Variants in USPL1 observed in about 807,000 individuals in gnomAD.
USPL1 encodes ubiquitin specific peptidase like 1.
Under a neutral mutation model 51.5 loss-of-function variants are expected in USPL1, and 27 were observed. The observed-to-expected ratio is 0.52, with a 90% CI of 0.39 to 0.72. The LOEUF is 0.72. Ranked by LOEUF, USPL1 falls within the 30% of genes least tolerant of loss-of-function variation. USPL1 has a pLI of 0.00. For missense variants in USPL1, 1,226 were observed against 1,268.0 expected, an observed-to-expected ratio of 0.97 and a Z score of 0.50; for synonymous variants, 451 against 459.6, an observed-to-expected ratio of 0.98 and a Z score of 0.24.
At chr13:30,646,825 TAAGA>T (rs1389857241) in intron 6 of USPL1, 103 bp from the exon 7 acceptor site, 11 of 1,247,020 alleles carry the variant, frequency 8.8e-6, no homozygotes, top group Non-Finnish European at 1.2e-5. Context: ...TTTGGGGAAA[TAAGA>T]AAGTATGAAT....
intron 8 of USPL1, among the ~76,000 whole-genome samples, chr13:30,655,852 C>T (rs1007235254): frequency 6.6e-6 from 1 of 152,222 alleles, no homozygotes; most frequent in East Asian, 1.9e-4. Flanking sequence ...TGTTTGACAT[C>T]GTGATTTATT....
chr13:30,629,569 C>G (rs1950772101), intron 3 of USPL1, among the ~76,000 whole-genome samples: 1 of 152,184 alleles, frequency 6.6e-6, no homozygotes, highest in Non-Finnish European at 1.5e-5. Flanking sequence ...CACACCATGT[C>G]AGCTGGGACA....
intron 6 of USPL1, among the ~76,000 whole-genome samples, chr13:30,643,620 T>A (rs1272042332): frequency 7.5e-6 from 1 of 132,914 alleles, no homozygotes; most frequent in African/African-American, 3.1e-5. Flanking sequence ...GCCCTTTTTT[T>A]TTTTTTGAGT....
At chr13:30,639,244 A>ATG (rs1238849039) in intron 5 of USPL1, among the ~76,000 whole-genome samples, 2,709 of 148,288 alleles carry the variant, frequency 0.018, 42 homozygotes, top group Middle Eastern at 0.032. Flanking sequence ...ATATATATAT[A>ATG]TGTGTGTATG....
chr13:30,621,260 C>T, intron 2 of USPL1, 21 bp downstream of exon 2: 1 of 1,540,722 alleles, frequency 6.5e-7, no homozygotes, highest in Non-Finnish European at 8.7e-7. Context: ...TTATTTTTTG[C>T]CTGAGTGCAA....
At chr13:30,652,847 T>A (rs548233708) in intron 7 of USPL1, among the ~76,000 whole-genome samples, 1 of 152,352 alleles carries the variant, frequency 6.6e-6, no homozygotes, top group African/African-American at 2.4e-5. Context: ...AATGGGACTT[T>A]TAAGACAAAG....
At chr13:30,622,566 A>G (rs968582849) in intron 3 of USPL1, among the ~76,000 whole-genome samples, 3 of 152,226 alleles carry the variant, frequency 2.0e-5, no homozygotes. Flanking sequence ...TTGGGAACAT[A>G]AGATCCTGAT....
intron 4 of USPL1, among the ~76,000 whole-genome samples, chr13:30,634,286 C>T (rs147607699): frequency 2.6e-5 from 4 of 152,274 alleles, no homozygotes; most frequent in Admixed American, 6.5e-5. Context: ...GGAAGATTCA[C>T]GTTGCCAGTG....
intron 4 of USPL1, 47 bp from the exon 5 acceptor site, chr13:30,637,697 A>G: frequency 7.1e-7 from 1 of 1,413,834 alleles, no homozygotes; most frequent in South Asian, 1.2e-5. Context: ...TTCTGTGGGA[A>G]GATATACATT....
At chr13:30,642,870 G>A in intron 6 of USPL1, 113 bp downstream of exon 6, 1 of 1,284,854 alleles carries the variant, frequency 7.8e-7, no homozygotes, top group Non-Finnish European at 1.1e-6. Flanking sequence ...AAACTGGAAG[G>A]GTCAAAACCT....
intron 4 of USPL1, among the ~76,000 whole-genome samples, chr13:30,636,579 A>G (rs1187083875): frequency 2.6e-5 from 4 of 152,238 alleles, no homozygotes; most frequent in African/African-American, 9.6e-5. Flanking sequence ...AATCTTGGAT[A>G]GTTTCTTGTC....
At chr13:30,621,944 C>A in intron 3 of USPL1, 52 bp downstream of exon 3, 1 of 1,227,754 alleles carries the variant, frequency 8.1e-7, no homozygotes, top group Non-Finnish European at 1.1e-6. Flanking sequence ...TTTTCTTTTG[C>A]TTTTTTATTA....
chr13:30,658,520 G>A lies in USPL1; in HGVS notation c.2443G>A (p.Ala815Thr), dbSNP rs778698406. The A allele has an allele frequency of 6.2e-7, 1 of 1,614,018 alleles. No individual in the cohort carries two copies. The highest frequency in any genetic ancestry group is 2.2e-5 in the East Asian group (1 of 44,886). ...NQKASHVSKKARKSASKPPPI... is the reference protein window; with the variant it reads ...NQKASHVSKKTRKSASKPPPI... Reference sequence around the variant, plus strand: ...GAAGGCCAGCCACGTATCCAAGAAAGCTCGTAAGAGTGCAAGTAAGCCTCC... The same window carrying A: ...GAAGGCCAGCCACGTATCCAAGAAAACTCGTAAGAGTGCAAGTAAGCCTCC... Residue 815 changes from alanine to threonine, a missense_variant, in exon 9 of 9, where the codon GCT (alanine) becomes ACT (threonine). Physicochemically the swap from Ala to Thr is moderately conservative, Grantham distance 58. Coordinates refer to ENST00000255304, the MANE Select transcript of USPL1 (RefSeq NM_005800.5).
chr13:30,626,004 T>TA (rs1376574698), intron 3 of USPL1, among the ~76,000 whole-genome samples: 23 of 152,012 alleles, frequency 1.5e-4, no homozygotes, highest in East Asian at 3.9e-4. Flanking sequence ...AATATCAAAA[T>TA]AAAAAATGCC....
In USPL1 at chr13:30,630,918, G is replaced by T. The variant is rs777940358; in HGVS notation, c.312G>T (p.Gln104His). ...AATGTCACACTCCACATAAGCCTCA[G>T]AAAAGGAAGAGCTTAGAAAGCAGCT... ...LEECHTPHKP[Q>H]KRKSLESSYK... The change falls in exon 4 of 9, where the codon CAG becomes CAT. Residue 104 changes from glutamine to histidine, a missense_variant. By Grantham distance (24) the Gln-to-His change is conservative. Transcript: ENST00000255304. The T allele has an allele frequency of 6.2e-7, 1 of 1,614,056 alleles. No individual in the cohort carries two copies.
At chr13:30,649,070 A>G (rs1304436824) in intron 7 of USPL1, among the ~76,000 whole-genome samples, 3 of 152,228 alleles carry the variant, frequency 2.0e-5, no homozygotes, top group Non-Finnish European at 2.9e-5. Context: ...CTATACAAAT[A>G]AGTTGCTTCC....
chr13:30,657,405 G>A, intron 8 of USPL1, 69 bp from the exon 9 acceptor site: 1 of 1,465,956 alleles, frequency 6.8e-7, no homozygotes, highest in South Asian at 1.4e-5. Flanking sequence ...AGTTGAAAAG[G>A]CCAGAAGAAA....
rs565380133 is a variant in USPL1, at chr13:30,628,221, A to T, written c.229-2614A>T. The stretch of plus-strand genomic sequence containing the variant: ...TCTAGTTTATGTTTCTATGAATCAG[A>T]CTCAGTACCTCATATAAACGGAATC... On this transcript the variant is annotated intron_variant, in intron 3 of 8. Coordinates refer to ENST00000255304, the MANE Select transcript of USPL1 (RefSeq NM_005800.5). 7.3e-5 allele frequency among the ~76,000 whole-genome samples: 11 copies of T among 151,654 alleles called. No homozygotes were observed. In the South Asian group the frequency reaches 2.3e-3, roughly 32 times the overall value.
chr13:30,642,865 G>T, intron 6 of USPL1, 108 bp downstream of exon 6: 1 of 1,353,766 alleles, frequency 7.4e-7, no homozygotes, highest in Non-Finnish European at 1.0e-6. Flanking sequence ...TCTTTAAACT[G>T]GAAGGGTCAA....
Sources: allele counts gnomAD v4.1 joint callset (sites outside exome capture counted in the v4.1 genomes callset), GRCh38; gene constraint gnomAD v4.1.1; transcripts MANE v1.5; gene names NCBI Gene and HGNC (gene_info 2026-07-23, HGNC 2026-07-21).